The following VAT1L variants were observed in gnomAD, a reference collection of about 807,000 sequenced individuals.
VAT1L encodes the protein vesicle amine transport 1 like, also known as putative NADPH-dependent quinone oxidoreductase VAT1L.
A neutral mutation model predicts 44.1 loss-of-function variants in VAT1L; 34 were observed. The ratio of observed to expected loss-of-function variants is 0.77; its 90% CI spans 0.59 to 1.03. VAT1L has a LOEUF of 1.03. VAT1L is among the 50% of genes least tolerant of loss of function. VAT1L has a pLI of 0.00. For missense variants in VAT1L, 615 were observed against 538.8 expected (o/e 1.14, Z -1.40); for synonymous variants, 253 against 202.2 (o/e 1.25, Z -2.13).
At chr16:77,864,196 C>T (rs2016945718) in intron 4 of VAT1L, among the ~76,000 whole-genome samples, 1 of 152,134 alleles carries the variant, frequency 6.6e-6, no homozygotes, top group Non-Finnish European at 1.5e-5. Context: ...TCAGAGCTTC[C>T]GAGAGGATTC....
At chr16:77,835,328 A>G (rs773496446) in intron 3 of VAT1L, among the ~76,000 whole-genome samples, 6 of 152,178 alleles carry the variant, frequency 3.9e-5, no homozygotes, top group African/African-American at 7.2e-5. Flanking sequence ...ATGCTATCCA[A>G]CAGTCTGAAT....
chr16:77,812,546 A>G (rs2016284169), intron 1 of VAT1L, among the ~76,000 whole-genome samples: 1 of 152,164 alleles, frequency 6.6e-6, no homozygotes, highest in South Asian at 2.1e-4. Context: ...CAGTTTTCTT[A>G]TCTGAGGCTC....
At chr16:77,851,207 C>G (rs1195061560) in intron 3 of VAT1L, among the ~76,000 whole-genome samples, 3 of 152,180 alleles carry the variant, frequency 2.0e-5, no homozygotes, top group African/African-American at 4.8e-5. Flanking sequence ...TAGGGTAGAG[C>G]AGGGGCAGCT....
chr16:77,796,935 C>T (rs1433863166), intron 1 of VAT1L, among the ~76,000 whole-genome samples: 2 of 152,060 alleles, frequency 1.3e-5, no homozygotes, highest in East Asian at 3.9e-4. Flanking sequence ...GGCCATGGTA[C>T]ACACTGAGTA....
At chr16:77,954,223 T>C (rs926322568) in intron 7 of VAT1L, among the ~76,000 whole-genome samples, 16 of 152,248 alleles carry the variant, frequency 1.1e-4, no homozygotes, top group African/African-American at 3.9e-4. Flanking sequence ...TCCGATTTCT[T>C]GTCTGTTGCC....
At chr16:77,806,836 T>A (rs1288171615) in intron 1 of VAT1L, among the ~76,000 whole-genome samples, 4 of 152,160 alleles carry the variant, frequency 2.6e-5, no homozygotes, top group Non-Finnish European at 5.9e-5. Flanking sequence ...GGAATGCTGG[T>A]CCTTGGTGGC....
chr16:77,856,611 C>G (rs2016861900), intron 3 of VAT1L, among the ~76,000 whole-genome samples: 1 of 152,162 alleles, frequency 6.6e-6, no homozygotes, highest in African/African-American at 2.4e-5. Flanking sequence ...TTTCAGGGAC[C>G]TAAATCAGCT....
intron 3 of VAT1L, among the ~76,000 whole-genome samples, chr16:77,842,695 C>T (rs1183309426): frequency 1.3e-5 from 2 of 152,154 alleles, no homozygotes; most frequent in African/African-American, 2.4e-5. Flanking sequence ...CTGGTTCTTA[C>T]TGTAATGTCA....
At position 77,862,797 on chromosome 16, in the gene VAT1L, T is replaced by G; in HGVS notation, c.629T>G (p.Phe210Cys). 6.2e-7 allele frequency: 1 copy of G among 1,614,072 alleles called. No individual in the cohort carries two copies. The highest frequency in any genetic ancestry group is 1.7e-4 in the Middle Eastern group (1 of 6,060). Residue 210 changes from phenylalanine (F) to cysteine (C), a missense_variant, in exon 4 of 9, where the codon TTT becomes TGT. By Grantham distance (205) the Phe-to-Cys change is radical (BLOSUM62 -2). Coordinates refer to ENST00000302536, the MANE Select transcript of VAT1L (RefSeq NM_020927.3). ...TCCACTGTCCCCAACGTGACTGTCT[T>G]TGGAACAGCCTCTACTTTCAAGCAT... ...LCSTVPNVTV[F>C]GTASTFKHEA...
At chr16:77,936,053 A>C (rs2017792199) in intron 7 of VAT1L, among the ~76,000 whole-genome samples, 2 of 152,080 alleles carry the variant, frequency 1.3e-5, no homozygotes, top group African/African-American at 4.8e-5. Context: ...GGGAGAAAAA[A>C]AAGGAGGTGG....
intron 7 of VAT1L, among the ~76,000 whole-genome samples, chr16:77,906,612 G>C (rs949763083): frequency 6.6e-6 from 1 of 152,224 alleles, no homozygotes; most frequent in Non-Finnish European, 1.5e-5. Flanking sequence ...TGAGTGACTG[G>C]TGTTTGATCC....
chr16:77,929,073 C>G (rs1264391438), intron 7 of VAT1L, among the ~76,000 whole-genome samples: 11 of 152,158 alleles, frequency 7.2e-5, no homozygotes, highest in African/African-American at 2.7e-4. Flanking sequence ...CTTGGCCTCC[C>G]AAAGTGCTAG....
At chr16:77,794,824 A>C (rs2015899182) in intron 1 of VAT1L, among the ~76,000 whole-genome samples, 1 of 152,188 alleles carries the variant, frequency 6.6e-6, no homozygotes, top group Admixed American at 6.5e-5. Context: ...GGCTCATTTG[A>C]TGATGAGAAA....
intron 7 of VAT1L, among the ~76,000 whole-genome samples, chr16:77,927,393 G>T (rs1476523974): frequency 4.6e-5 from 7 of 150,676 alleles, no homozygotes; most frequent in African/African-American, 1.7e-4. Context: ...TACTACTGTT[G>T]TCCCTACTTT....
At chr16:77,895,101 C>CACACACACACACAT (rs1555517702) in intron 7 of VAT1L, among the ~76,000 whole-genome samples, 2 of 6,138 alleles carry the variant, frequency 3.3e-4, no homozygotes, top group African/African-American at 3.5e-4. Flanking sequence ...GCCACTTGCC[C>CACACACACACACAT]ACACACACAC....
intron 7 of VAT1L, among the ~76,000 whole-genome samples, chr16:77,964,518 C>T: frequency 6.6e-6 from 1 of 152,262 alleles, no homozygotes; most frequent in Admixed American, 6.5e-5. Context: ...TTGCAAGAAT[C>T]GTTGTGGTTC....
intron 3 of VAT1L, among the ~76,000 whole-genome samples, chr16:77,839,692 T>A (rs949052930): frequency 6.6e-6 from 1 of 151,300 alleles, no homozygotes; most frequent in Non-Finnish European, 1.5e-5. Context: ...TGGGGCGGGA[T>A]CAGCAATCTA....
chr16:77,893,917 G>A (rs1375453287), intron 7 of VAT1L, among the ~76,000 whole-genome samples: 1 of 152,178 alleles, frequency 6.6e-6, no homozygotes, highest in Non-Finnish European at 1.5e-5. Context: ...ATGTTTATAT[G>A]TGCCAAGTAC....
rs1256049535 is a variant in VAT1L at position 77,977,848 on chromosome 16, T to C, written c.*153T>C. 4 of 729,700 alleles carry C rather than the reference T, an allele frequency of 5.5e-6. No individual in the cohort carries two copies. The African/African-American group carries it at 7.1e-5, about 13-fold the overall frequency. The allele number at this position is 729,700 out of a possible 1,614,324, so 45.2% of individuals were successfully genotyped here. A position where few individuals can be genotyped will look rare whatever the true frequency, so the allele number is the denominator to read the frequency against. ...GAGCTAAAAAGCTGTTGATCACTGT[T>C]GTTTTTTGAAGTGCCAATCCCATGC... On this transcript the variant is annotated 3_prime_UTR_variant, in exon 9 of 9. Coordinates refer to ENST00000302536, the MANE Select transcript of VAT1L (RefSeq NM_020927.3).
Sources: allele counts gnomAD v4.1 joint callset (sites outside exome capture counted in the v4.1 genomes callset), GRCh38; gene constraint gnomAD v4.1.1; transcripts MANE v1.5; gene names NCBI Gene and HGNC (gene_info 2026-07-23, HGNC 2026-07-21).